Variants in GUSB observed in about 807,000 individuals in gnomAD.
The protein encoded by GUSB is glucuronidase beta.
Under a neutral mutation model 74.6 loss-of-function variants are expected in GUSB, and 51 were observed. That is an observed-to-expected ratio of 0.68 (90% CI 0.55 to 0.86). The LOEUF is 0.86. Among genes scored for constraint, GUSB ranks in the 40% least tolerant of loss-of-function variants. GUSB has a pLI of 0.00. For missense variants in GUSB, 736 were observed against 853.7 expected (o/e 0.86, Z 1.72); for synonymous variants, 360 against 348.3 (o/e 1.03, Z -0.37).
chr7:65,977,412 G>A (rs1343321054), intron 4 of GUSB, among the ~76,000 whole-genome samples: 1 of 152,174 alleles, frequency 6.6e-6, no homozygotes, highest in Non-Finnish European at 1.5e-5. Flanking sequence ...AAAGTGCTGG[G>A]ATTACAGGCA....
At chr7:65,975,790 G>A (rs1791525582) in intron 5 of GUSB, 1 of 479,900 alleles carries the variant, frequency 2.1e-6, no homozygotes. Flanking sequence ...GTTCAAGGCT[G>A]CAGTGAGCTG....
rs768029322 is a variant in GUSB at position 65,979,756 on chromosome 7, C to T, written c.552G>A (p.Gly184=). 9.9e-6 allele frequency: 16 copies of T among 1,613,806 alleles called. No homozygotes were observed. The highest frequency in any genetic ancestry group is 1.4e-5 in the Non-Finnish European group (16 of 1,180,002). ...AGGTGTCAGTCAGGTATTGGATGGT[C>T]CCTGGTGGCAGGGTGGTGGGGGTGA... ...NTLTPTTLPP[G]TIQYLTDTSK... is the part of the protein sequence containing the mutation. The change falls in exon 3 of 12, where the codon GGG becomes GGA. Residue 184 remains glycine (G), a synonymous_variant. Transcript: ENST00000304895.
chr7:65,974,205 G>A, intron 8 of GUSB, 90 bp downstream of exon 8: 1 of 1,289,552 alleles, frequency 7.8e-7, no homozygotes, highest in South Asian at 1.2e-5. Context: ...TGGACACGAG[G>A]CCGATCTTGA....
chr7:65,972,999 C>A (rs1336517091), intron 8 of GUSB, among the ~76,000 whole-genome samples: 1 of 152,196 alleles, frequency 6.6e-6, no homozygotes, highest in Non-Finnish European at 1.5e-5. Flanking sequence ...AGTGAAAAAT[C>A]CAACTCTGAA....
chr7:65,978,524 T>C (rs980752422), intron 4 of GUSB, among the ~76,000 whole-genome samples: 2 of 151,942 alleles, frequency 1.3e-5, no homozygotes, highest in African/African-American at 4.8e-5. Context: ...CCCTTGCATT[T>C]TGGCAGGCCG....
intron 8 of GUSB, among the ~76,000 whole-genome samples, chr7:65,971,359 CT>C (rs1288116853): frequency 6.6e-6 from 1 of 152,208 alleles, no homozygotes; most frequent in Admixed American, 6.5e-5. Flanking sequence ...AATCCCAGCA[CT>C]TTGGGAGTTT....
Position 65,981,891 on chromosome 7 carries a change from G to A in GUSB, c.210+83C>T, listed in dbSNP as rs986223455. 33 of 1,237,812 alleles carry A rather than the reference G, an allele frequency of 2.7e-5. No homozygotes were observed. In the African/African-American group the frequency reaches 4.3e-4, roughly 16 times the overall value. The allele number at this position is 1,237,812 out of a possible 1,614,324, so 76.7% of individuals were successfully genotyped here. A position where few individuals can be genotyped will look rare whatever the true frequency, so the allele number is the denominator to read the frequency against. On this transcript the variant is annotated intron_variant, in intron 1 of 11. Coordinates refer to ENST00000304895, the MANE Select transcript of GUSB (RefSeq NM_000181.4). ...GGCCCCAGCTCGGAGACGCCCAGGG[G>A]AAGAAGTCTGCGGGGGGCCCGGGCT... is the stretch of plus-strand genomic sequence containing the variant.
At chr7:65,966,612 A>G (rs911355902) in intron 10 of GUSB, among the ~76,000 whole-genome samples, 4 of 151,932 alleles carry the variant, frequency 2.6e-5, no homozygotes, top group African/African-American at 9.7e-5. Flanking sequence ...GATAGACTCC[A>G]TCTTTACAAA....
At chr7:65,965,909 G>A (rs1270706307) in intron 10 of GUSB, among the ~76,000 whole-genome samples, 1 of 152,140 alleles carries the variant, frequency 6.6e-6, no homozygotes, top group Non-Finnish European at 1.5e-5. Context: ...GGTGGCTCAT[G>A]CCTGTAATCC....
chr7:65,974,739 T>C, intron 6 of GUSB, 35 bp from the exon 7 acceptor site: 2 of 1,608,984 alleles, frequency 1.2e-6, no homozygotes, highest in Non-Finnish European at 1.7e-6. Context: ...CCCCTGTCCC[T>C]GTCGAAGCTG....
At chr7:65,977,168 G>A (rs1357653244) in intron 4 of GUSB, among the ~76,000 whole-genome samples, 3 of 152,066 alleles carry the variant, frequency 2.0e-5, no homozygotes, top group Admixed American at 1.3e-4. Context: ...GGTGAACTGT[G>A]CATTTTGCAC....
At chr7:65,968,879 G>A (rs1791016985) in intron 9 of GUSB, among the ~76,000 whole-genome samples, 1 of 152,134 alleles carries the variant, frequency 6.6e-6, no homozygotes, top group African/African-American at 2.4e-5. Context: ...AAGCCACCAT[G>A]CCCGGCTGTC....
chr7:65,972,727 C>A (rs1472557300), intron 8 of GUSB, among the ~76,000 whole-genome samples: 1 of 152,114 alleles, frequency 6.6e-6, no homozygotes, highest in African/African-American at 2.4e-5. Context: ...GGCATCTCCT[C>A]TGGCCACCTC....
rs768053657 is a variant in GUSB, at chr7:65,974,447, G to A, written c.1245-6C>T. ...AAACGTTGTTGAAGAACTGCCTGCGGGCCAGGAGGGAAGGGACAGAGGGTC... is the reference window on the plus strand; with the variant it reads ...AAACGTTGTTGAAGAACTGCCTGCGAGCCAGGAGGGAAGGGACAGAGGGTC... On this transcript the variant is annotated splice_polypyrimidine_tract_variant and splice_region_variant and intron_variant, in intron 7 of 11. Transcript: ENST00000304895. The A allele has an allele frequency of 1.9e-6, 3 of 1,614,190 alleles. No individual in the cohort carries two copies. The highest frequency in any genetic ancestry group is 2.5e-6 in the Non-Finnish European group (3 of 1,180,030).
At chr7:65,969,434 A>G (rs570577092) in intron 9 of GUSB, among the ~76,000 whole-genome samples, 5 of 152,238 alleles carry the variant, frequency 3.3e-5, no homozygotes, top group African/African-American at 1.2e-4. Flanking sequence ...ACTGCAACTC[A>G]TGCCTGTAAT....
chr7:65,982,166 C>T lies in GUSB; in HGVS notation c.18G>A (p.Ala6=), dbSNP rs913766105. Residue 6 remains alanine, a synonymous_variant, in exon 1 of 12, where the codon GCG becomes GCA. Coordinates refer to ENST00000304895, the MANE Select transcript of GUSB (RefSeq NM_000181.4). The part of the protein sequence containing the change: MARGS[A]VAWAALGPLL... ...ACGGCCCGAGCGCCGCCCAGGCAAC[C>T]GCCGACCCCCGGGCCATGCTTCCCG... is the stretch of plus-strand genomic sequence containing the variant. 2.0e-6 allele frequency: 3 copies of T among 1,516,172 alleles called. No individual in the cohort carries two copies. Among genetic ancestry groups the T allele is most frequent in the African/African-American group, 2.8e-5 (2 of 70,246 alleles). The allele number at this position is 1,516,172 out of a possible 1,614,324, so 93.9% of individuals were successfully genotyped here. A position where few individuals can be genotyped will look rare whatever the true frequency, so the allele number is the denominator to read the frequency against.
At chr7:65,964,255 A>T (rs1278142836) in intron 11 of GUSB, 68 bp downstream of exon 11, 11 of 1,346,932 alleles carry the variant, frequency 8.2e-6, no homozygotes, top group Non-Finnish European at 1.1e-5. Flanking sequence ...TGAAATGGCC[A>T]GAATTGGAAA....
At position 65,964,478 on chromosome 7, in the gene GUSB, G is replaced by C. The variant is rs1790702024; in HGVS notation, c.1654-20C>G. ...TGGATCCTAGGATTCAAGGCAAAGA[G>C]AATGTAAGAGTCAGAACTGGCAGAA... is the stretch of plus-strand genomic sequence containing the variant. On this transcript the variant is annotated intron_variant, in intron 10 of 11. Coordinates refer to ENST00000304895, the MANE Select transcript of GUSB (RefSeq NM_000181.4). 2 of 1,608,500 alleles carry C rather than the reference G, an allele frequency of 1.2e-6. No homozygotes were observed. Among genetic ancestry groups the C allele is most frequent in the Non-Finnish European group, 1.7e-6 (2 of 1,176,994 alleles).
intron 10 of GUSB, 59 bp from the exon 11 acceptor site, chr7:65,964,517 A>C: frequency 6.5e-7 from 1 of 1,547,378 alleles, no homozygotes; most frequent in Non-Finnish European, 8.9e-7. Context: ...TAAATGTTAG[A>C]TAAAAATAAA....
Sources: allele counts gnomAD v4.1 joint callset (sites outside exome capture counted in the v4.1 genomes callset), GRCh38; gene constraint gnomAD v4.1.1; transcripts MANE v1.5; gene names NCBI Gene and HGNC (gene_info 2026-07-23, HGNC 2026-07-21).